FSTL4: variants seen among roughly 807,000 people sequenced by gnomAD.
The protein encoded by FSTL4 is follistatin like 4.
In FSTL4, 28 loss-of-function variants were observed where a neutral mutation model predicts 78.2. That is an observed-to-expected ratio of 0.36 (90% CI 0.27 to 0.49). The LOEUF (loss-of-function observed/expected upper bound fraction) is 0.49. Ranked by LOEUF, FSTL4 falls within the 20% of genes least tolerant of loss-of-function variation. The probability of loss-of-function intolerance (pLI) is 0.98; values close to 1 mark genes in which losing one functional copy is unlikely to be tolerated. For synonymous variants in FSTL4, 422 were observed against 440.5 expected (o/e 0.96, Z 0.53); for missense variants, 922 against 1,084.9 (o/e 0.85, Z 2.11).
At chr5:133,628,316 G>T in the FSTL4 span, among the ~76,000 whole-genome samples, 1 of 151,874 alleles carries the variant, frequency 6.6e-6, no homozygotes, top group Non-Finnish European at 1.5e-5. Flanking sequence ...AAAAATCAGT[G>T]CATCAGGAGC....
chr5:133,469,835 A>C (rs1757784885), intron 3 of FSTL4, among the ~76,000 whole-genome samples: 1 of 152,138 alleles, frequency 6.6e-6, no homozygotes, highest in Non-Finnish European at 1.5e-5. Context: ...CAGAAGAGGC[A>C]GCCGCCGTAC....
intron 2 of FSTL4, among the ~76,000 whole-genome samples, chr5:133,601,619 G>A (rs1245084774): frequency 5.9e-5 from 9 of 152,058 alleles, no homozygotes; most frequent in East Asian, 1.9e-4. Flanking sequence ...CAAACAAACC[G>A]ATTAAAATAA....
At chr5:133,480,247 A>G (rs1010079195) in intron 3 of FSTL4, among the ~76,000 whole-genome samples, 1 of 152,072 alleles carries the variant, frequency 6.6e-6, no homozygotes, top group Non-Finnish European at 1.5e-5. Flanking sequence ...AAATTACTTC[A>G]CCTCTGTAAG....
the FSTL4 span, among the ~76,000 whole-genome samples, chr5:133,767,163 T>C: frequency 7.0e-4 from 106 of 152,336 alleles, no homozygotes; most frequent in African/African-American, 2.5e-3. Context: ...TGGGGAACTC[T>C]GGGAGTCAAT....
intron 3 of FSTL4, among the ~76,000 whole-genome samples, chr5:133,547,995 T>A (rs542220583): frequency 6.6e-6 from 1 of 151,740 alleles, no homozygotes; most frequent in African/African-American, 2.4e-5. Context: ...CTCAGAAGAG[T>A]TTCCTGGTTG....
the FSTL4 span, among the ~76,000 whole-genome samples, chr5:133,837,923 T>C: frequency 1.3e-5 from 2 of 152,140 alleles, no homozygotes; most frequent in Non-Finnish European, 2.9e-5. Flanking sequence ...AGTCTTGCTC[T>C]GTCACCCAGG....
At chr5:133,470,331 A>G (rs1257726042) in intron 3 of FSTL4, among the ~76,000 whole-genome samples, 1 of 152,268 alleles carries the variant, frequency 6.6e-6, no homozygotes, top group Admixed American at 6.5e-5. Flanking sequence ...GAAGAAAACT[A>G]AAAGTAAAAG....
chr5:133,610,249 G>C (rs1401552937), intron 1 of FSTL4, among the ~76,000 whole-genome samples: 1 of 152,096 alleles, frequency 6.6e-6, no homozygotes, highest in Non-Finnish European at 1.5e-5. Context: ...CTAATACCCA[G>C]AAAAACAAGC....
chr5:133,538,544 G>A (rs1759401746), intron 3 of FSTL4, among the ~76,000 whole-genome samples: 1 of 151,752 alleles, frequency 6.6e-6, no homozygotes, highest in South Asian at 2.1e-4. Flanking sequence ...TTGGTTTTCC[G>A]TATCTGCTGA....
intron 3 of FSTL4, among the ~76,000 whole-genome samples, chr5:133,429,693 TA>T (rs570995183): frequency 1.1e-3 from 165 of 152,272 alleles, no homozygotes; most frequent in Non-Finnish European, 1.9e-3. Context: ...GGATGCACCG[TA>T]CTATGGGTTG....
intron 3 of FSTL4, among the ~76,000 whole-genome samples, chr5:133,433,621 A>G (rs73788093): frequency 0.03 from 4,550 of 152,310 alleles, 215 homozygotes; most frequent in African/African-American, 0.1. Context: ...CAATACAGAA[A>G]GGAGTCAGTT....
intron 6 of FSTL4, among the ~76,000 whole-genome samples, chr5:133,282,046 C>G (rs1257609228): frequency 6.6e-6 from 1 of 152,118 alleles, no homozygotes; most frequent in Non-Finnish European, 1.5e-5. Flanking sequence ...GTGCCAAGCC[C>G]CATGTAAGCT....
At chr5:133,689,499 T>C in the FSTL4 span, among the ~76,000 whole-genome samples, 1 of 152,202 alleles carries the variant, frequency 6.6e-6, no homozygotes, top group Non-Finnish European at 1.5e-5. Context: ...GTAGTGGGTA[T>C]ATGTGTGAGA....
At chr5:133,608,104 C>T (rs931783282) in intron 1 of FSTL4, among the ~76,000 whole-genome samples, 15 of 152,194 alleles carry the variant, frequency 9.9e-5, no homozygotes, top group Admixed American at 3.3e-4. Flanking sequence ...AGAATCTCCC[C>T]ATTATAGAAT....
chr5:133,600,147 C>T (rs1006592842), intron 2 of FSTL4, among the ~76,000 whole-genome samples: 5 of 152,178 alleles, frequency 3.3e-5, no homozygotes, highest in African/African-American at 9.7e-5. Context: ...AGTGCCCATA[C>T]ATCCCTTCTG....
At chr5:133,465,635 G>T (rs1757691125) in intron 3 of FSTL4, among the ~76,000 whole-genome samples, 1 of 152,196 alleles carries the variant, frequency 6.6e-6, no homozygotes, top group African/African-American at 2.4e-5. Flanking sequence ...ACACATGGAG[G>T]AGCACAGTGG....
intron 4 of FSTL4, among the ~76,000 whole-genome samples, chr5:133,389,001 T>C (rs150643968): frequency 1.3e-5 from 2 of 152,356 alleles, no homozygotes; most frequent in East Asian, 1.9e-4. Flanking sequence ...AGGTTCTTTA[T>C]ATTCTTTCCT....
At chr5:133,212,702 T>G (rs574214667) in intron 13 of FSTL4, among the ~76,000 whole-genome samples, 1 of 152,164 alleles carries the variant, frequency 6.6e-6, no homozygotes, top group African/African-American at 2.4e-5. Flanking sequence ...GCAGAATATA[T>G]GAAAAAATAG....
At chr5:133,665,195 A>G in the FSTL4 span, among the ~76,000 whole-genome samples, 3 of 152,174 alleles carry the variant, frequency 2.0e-5, no homozygotes, top group African/African-American at 7.2e-5. Flanking sequence ...AGTATTTAGG[A>G]TAGACTCTGC....
Sources: gnomAD v4.1 joint callset for allele counts (sites outside exome capture counted in the v4.1 genomes callset) on GRCh38, gnomAD v4.1.1 for gene constraint, MANE v1.5 for transcripts, NCBI Gene and HGNC (gene_info 2026-07-23, HGNC 2026-07-21) for gene names.